NWD2: variants seen among roughly 807,000 people sequenced by gnomAD.
NWD2 encodes NACHT and WD repeat domain-containing protein 2.
NWD2 carries 37 observed loss-of-function variants against 132.7 expected under a neutral mutation model. The observed-to-expected ratio is 0.28, with a 90% CI of 0.21 to 0.37. The LOEUF (loss-of-function observed/expected upper bound fraction) is 0.37, where lower values mean the gene tolerates loss of function less well. Among genes scored for constraint, NWD2 ranks in the 10% least tolerant of loss-of-function variants. The probability of loss-of-function intolerance (pLI) is 1.00; values close to 1 mark genes in which losing one functional copy is unlikely to be tolerated. For synonymous variants in NWD2, 705 were observed against 803.0 expected (o/e 0.88, Z 2.06); for missense variants, 1,592 against 2,122.4 (o/e 0.75, Z 4.91).
Position 37,432,889 on chromosome 4 carries a change from T to C in NWD2, c.562-987T>C, listed in dbSNP as rs575954768. On this transcript the variant is annotated intron_variant, in intron 4 of 6. Transcript: ENST00000309447. ...GTGGACCTGTTCATTGAGTAGAATA[T>C]TTAGGGAGATTGCAAAGAAGGCATG... Among the ~76,000 whole-genome samples, 5 of 152,178 alleles carry C rather than the reference T, an allele frequency of 3.3e-5. No individual in the cohort carries two copies. In the South Asian group the frequency reaches 1.0e-3, roughly 32 times the overall value.
At chr4:37,245,315 G>C (rs1717214497) in intron 1 of NWD2, 97 bp downstream of exon 1, 2 of 1,347,518 alleles carry the variant, frequency 1.5e-6, no homozygotes, top group East Asian at 5.3e-5. Flanking sequence ...GGTGCGCCCT[G>C]CGCTCCCTTC....
At chr4:37,265,375 T>G (rs992832135) in intron 1 of NWD2, among the ~76,000 whole-genome samples, 1 of 152,136 alleles carries the variant, frequency 6.6e-6, no homozygotes, top group African/African-American at 2.4e-5. Context: ...AGCAAATTAA[T>G]GAACAAAACC....
intron 2 of NWD2, among the ~76,000 whole-genome samples, chr4:37,348,008 C>T (rs941078256): frequency 7.2e-5 from 11 of 152,122 alleles, no homozygotes; most frequent in Non-Finnish European, 1.5e-4. Context: ...TATGTTGTAA[C>T]AATTATGATT....
intron 3 of NWD2, among the ~76,000 whole-genome samples, chr4:37,415,058 T>A (rs779685371): frequency 3.9e-5 from 6 of 152,214 alleles, no homozygotes; most frequent in Non-Finnish European, 8.8e-5. Flanking sequence ...AGACATATAT[T>A]GGGATGAAAT....
chr4:37,444,373 G>A lies in NWD2; in HGVS notation c.2385G>A (p.Glu795=), dbSNP rs1712573447. Residue 795 remains glutamate, a synonymous_variant, in exon 7 of 7, where the codon GAG becomes GAA. Transcript: ENST00000309447. The surrounding 1 kb of genome is among the most constrained non-coding windows in gnomAD (Gnocchi z 4.8). ...ACTTGGAGAACAGAAGTTTGCTGGA[G>A]GAAGAAAAGCACTTCATGGAACAGG... is the stretch of plus-strand genomic sequence containing the variant. ...CLDLENRSLL[E]EEKHFMEQAS... 2.6e-6 allele frequency: 4 copies of A among 1,552,150 alleles called. No homozygotes were observed. Among genetic ancestry groups the A allele is most frequent in the East Asian group, 2.4e-5 (1 of 40,918 alleles).
chr4:37,395,511 C>G (rs1191408826), intron 3 of NWD2, among the ~76,000 whole-genome samples: 1 of 136,710 alleles, frequency 7.3e-6, no homozygotes, highest in Non-Finnish European at 1.5e-5. Flanking sequence ...GGGTCTGCCT[C>G]TCCCAGAGGT....
intron 1 of NWD2, among the ~76,000 whole-genome samples, chr4:37,268,089 A>T (rs1717794729): frequency 6.6e-6 from 1 of 151,932 alleles, no homozygotes; most frequent in African/African-American, 2.4e-5. Flanking sequence ...CAGCCCAGAA[A>T]CATCAAACTA....
At chr4:37,276,406 C>T (rs534488955) in intron 1 of NWD2, among the ~76,000 whole-genome samples, 9 of 152,258 alleles carry the variant, frequency 5.9e-5, no homozygotes, top group Admixed American at 3.9e-4. Flanking sequence ...CCTCTCACAC[C>T]AGTTAGAATG....
At chr4:37,399,526 C>G (rs1720862723) in intron 3 of NWD2, among the ~76,000 whole-genome samples, 1 of 152,064 alleles carries the variant, frequency 6.6e-6, no homozygotes, top group Non-Finnish European at 1.5e-5. Context: ...GTTGAAAAAT[C>G]CCTCATTTAA....
At chr4:37,421,913 A>C (rs1711820354) in intron 3 of NWD2, among the ~76,000 whole-genome samples, 1 of 152,136 alleles carries the variant, frequency 6.6e-6, no homozygotes, top group Non-Finnish European at 1.5e-5. Flanking sequence ...GGTTCCAGTG[A>C]GGGCTGTCTT....
intron 3 of NWD2, among the ~76,000 whole-genome samples, chr4:37,384,625 G>A (rs1294241275): frequency 6.6e-6 from 1 of 152,228 alleles, no homozygotes; most frequent in African/African-American, 2.4e-5. Flanking sequence ...GGTGTTCACA[G>A]TGCACATGGA....
chr4:37,435,370 CA>C (rs758610242), intron 5 of NWD2, among the ~76,000 whole-genome samples: 3 of 152,174 alleles, frequency 2.0e-5, no homozygotes, highest in Non-Finnish European at 4.4e-5. Flanking sequence ...ACCATTTTGA[CA>C]AATTCCAGAA....
chr4:37,369,783 T>C (rs1720178961), intron 3 of NWD2, among the ~76,000 whole-genome samples: 2 of 152,180 alleles, frequency 1.3e-5, no homozygotes, highest in Non-Finnish European at 2.9e-5. Flanking sequence ...CAGGAAATAC[T>C]GAAAGTGGAG....
intron 1 of NWD2, among the ~76,000 whole-genome samples, chr4:37,321,467 T>A (rs1046452524): frequency 2.6e-5 from 4 of 152,220 alleles, no homozygotes; most frequent in Non-Finnish European, 5.9e-5. Flanking sequence ...TAGTTAGTGC[T>A]GCCAAAGTGT....
At chr4:37,291,004 T>G (rs1718349463) in intron 1 of NWD2, among the ~76,000 whole-genome samples, 1 of 152,156 alleles carries the variant, frequency 6.6e-6, no homozygotes, top group South Asian at 2.1e-4. Context: ...CTCTGTGTAG[T>G]CTTAAACCCC....
intron 3 of NWD2, among the ~76,000 whole-genome samples, chr4:37,368,875 A>G (rs1178041500): frequency 6.6e-6 from 1 of 152,222 alleles, no homozygotes; most frequent in Non-Finnish European, 1.5e-5. Context: ...TTGTAACTAA[A>G]GGCAGTGAGT....
At chr4:37,410,719 T>C (rs1721138527) in intron 3 of NWD2, among the ~76,000 whole-genome samples, 1 of 152,166 alleles carries the variant, frequency 6.6e-6, no homozygotes, top group Non-Finnish European at 1.5e-5. Context: ...ATCACACTTA[T>C]TCTAAAACTG....
At chr4:37,359,274 T>C (rs1405291849) in intron 3 of NWD2, among the ~76,000 whole-genome samples, 1 of 152,132 alleles carries the variant, frequency 6.6e-6, no homozygotes, top group Non-Finnish European at 1.5e-5. Flanking sequence ...TCTGCTCCCC[T>C]GTTACATGTT....
At chr4:37,279,399 A>G (rs1339908786) in intron 1 of NWD2, among the ~76,000 whole-genome samples, 1 of 152,174 alleles carries the variant, frequency 6.6e-6, no homozygotes. Context: ...ATAATTCCAT[A>G]GTGAAATCTC....
Sources: gnomAD v4.1 joint callset for allele counts (sites outside exome capture counted in the v4.1 genomes callset) on GRCh38, gnomAD v4.1.1 for gene constraint, Gnocchi (gnomAD v3.1) non-coding constraint, MANE v1.5 for transcripts, NCBI Gene and HGNC (gene_info 2026-07-23, HGNC 2026-07-21) for gene names.